INKA2: variants seen among roughly 807,000 people sequenced by gnomAD.
The protein encoded by INKA2 is PAK4-inhibitor INKA2.
A neutral mutation model predicts 9.8 loss-of-function variants in INKA2; 3 were observed. That is an observed-to-expected ratio of 0.31 (90% CI 0.14 to 0.79). INKA2 has a LOEUF of 0.79. Ranked by LOEUF, INKA2 falls within the 30% of genes least tolerant of loss-of-function variation. INKA2 has a pLI of 0.62. For synonymous variants in INKA2, 147 were observed against 143.3 expected, an observed-to-expected ratio of 1.03 and a Z score of -0.18; for missense variants, 392 against 384.4, an observed-to-expected ratio of 1.02 and a Z score of -0.17.
chr1:111,753,769 C>T (rs1339013055), intron 1 of INKA2: 1 of 152,190 alleles, frequency 6.6e-6, no homozygotes, highest in Non-Finnish European at 1.5e-5. Flanking sequence ...GACAAAATTA[C>T]TGTCCTTGAG....
At chr1:111,748,080 T>G (rs777731297) in intron 1 of INKA2, among the ~76,000 whole-genome samples, 1 of 152,206 alleles carries the variant, frequency 6.6e-6, no homozygotes, top group Non-Finnish European at 1.5e-5. Flanking sequence ...GAGAGTAATA[T>G]GAAGATGTTA....
chr1:111,729,115 G>A (rs1241762965), intron 1 of INKA2, among the ~76,000 whole-genome samples: 3 of 152,162 alleles, frequency 2.0e-5, no homozygotes, highest in Admixed American at 1.3e-4. Flanking sequence ...CTACAGGACA[G>A]TGAAGAAGGG....
chr1:111,742,178 G>C (rs1370345948), upstream of INKA2, among the ~76,000 whole-genome samples: 1 of 152,210 alleles, frequency 6.6e-6, no homozygotes, highest in South Asian at 2.1e-4. Context: ...TGGGTCTTCT[G>C]TGCTGCTGAC....
Position 111,723,271 on chromosome 1 carries a change from G to A in INKA2, c.*3697C>T, listed in dbSNP as rs980573104. ...AAGGCCCTAGGGAGGAGATGGGGATGTGGAGAGGACAGAGCAACCTTCTTT... is the reference window on the plus strand; with the variant it reads ...AAGGCCCTAGGGAGGAGATGGGGATATGGAGAGGACAGAGCAACCTTCTTT... On this transcript the variant is annotated 3_prime_UTR_variant, in exon 2 of 2. Transcript: ENST00000357260. 7 of 576,842 alleles carry A rather than the reference G, an allele frequency of 1.2e-5. No individual in the cohort carries two copies. Among genetic ancestry groups the A allele is most frequent in the Non-Finnish European group, 2.1e-5 (7 of 325,782 alleles). 35.7% of individuals were successfully genotyped at this position (576,842 alleles called of 1,614,324 possible).
At chr1:111,750,402 A>G (rs527819774) in intron 1 of INKA2, among the ~76,000 whole-genome samples, 1 of 152,320 alleles carries the variant, frequency 6.6e-6, no homozygotes, top group Admixed American at 6.5e-5. Context: ...GAAATAATAC[A>G]TTCTATCTAG....
chr1:111,753,401 T>C (rs1663450544), intron 1 of INKA2: 1 of 152,208 alleles, frequency 6.6e-6, no homozygotes, highest in Admixed American at 6.5e-5. Flanking sequence ...GAGATCTTTA[T>C]AGCACTAAAA....
At chr1:111,741,734 T>C (rs1416065522), upstream of INKA2, among the ~76,000 whole-genome samples, 3 of 152,234 alleles carry the variant, frequency 2.0e-5, no homozygotes, top group African/African-American at 7.2e-5. Flanking sequence ...GTTTTGTTTT[T>C]GTTTTTTGAG....
chr1:111,755,171 T>TGGAGGCGGATGCGGAGGCGGATGCAG (rs963267748), intron 1 of INKA2: 2 of 156,708 alleles, frequency 1.3e-5, no homozygotes, highest in South Asian at 1.7e-4. Context: ...GGCGGATGCA[T>TGGAGGCGGATGCGGAGGCGGATGCAG]GGAGGCGGAT....
chr1:111,737,507 T>C (rs900657706), intron 1 of INKA2, among the ~76,000 whole-genome samples: 4 of 152,210 alleles, frequency 2.6e-5, no homozygotes, highest in Non-Finnish European at 4.4e-5. Context: ...TTCCATTAGA[T>C]TCTTTTCTCT....
intron 1 of INKA2, chr1:111,755,621 C>CA: frequency 6.3e-7 from 1 of 1,590,052 alleles, no homozygotes; most frequent in South Asian, 1.1e-5. Flanking sequence ...GCGGCTCCGC[C>CA]CAGAAGAGGG....
Position 111,739,365 on chromosome 1 carries a change from A to G in INKA2, c.-123T>C. ...CCGTAGCGCTCGCAGCGCGGAGCTG[A>G]GCCTGCGCTCCGAGCCCGGGACTCA... On this transcript the variant is annotated 5_prime_UTR_variant, in exon 1 of 2. Transcript: ENST00000357260. 1 of 1,534,970 alleles carries G rather than the reference A, an allele frequency of 6.5e-7. No homozygotes were observed. Among genetic ancestry groups the G allele is most frequent in the African/African-American group, 1.4e-5 (1 of 71,696 alleles).
At chr1:111,748,527 C>G (rs1663323096) in intron 1 of INKA2, among the ~76,000 whole-genome samples, 1 of 152,240 alleles carries the variant, frequency 6.6e-6, no homozygotes, top group African/African-American at 2.4e-5. Flanking sequence ...TCAGTTTCTA[C>G]AGTCTGTGCT....
At chr1:111,737,114 G>A (rs1362982875) in intron 1 of INKA2, among the ~76,000 whole-genome samples, 1 of 152,182 alleles carries the variant, frequency 6.6e-6, no homozygotes, top group African/African-American at 2.4e-5. Context: ...TCCAGGCCAG[G>A]CATTCGGCTT....
upstream of INKA2, among the ~76,000 whole-genome samples, chr1:111,741,929 T>C (rs1663159184): frequency 6.6e-6 from 1 of 152,124 alleles, no homozygotes; most frequent in African/African-American, 2.4e-5. Context: ...TTGGCCAGGC[T>C]GGTCTCAAAC....
chr1:111,749,255 G>A (rs143759790), intron 1 of INKA2, among the ~76,000 whole-genome samples: 70 of 152,240 alleles, frequency 4.6e-4, no homozygotes, highest in Non-Finnish European at 7.2e-4. Flanking sequence ...TGGGGTCTCC[G>A]GAGCTGGGAG....
At position 111,726,947 on chromosome 1, in the gene INKA2, T is replaced by C. The variant is rs766744826; in HGVS notation, c.*21A>G. On this transcript the variant is annotated 3_prime_UTR_variant, in exon 2 of 2. Transcript: ENST00000357260. ...TGGGACCTGGCCCTTTCAGGCTCAG[T>C]CAACTTTCTGTCTCTAGGATTCAGA... The C allele has an allele frequency of 3.6e-5, 57 of 1,602,596 alleles. No homozygotes were observed. Among genetic ancestry groups the C allele is most frequent in the Non-Finnish European group, 4.6e-5 (54 of 1,173,002 alleles).
Position 111,727,372 on chromosome 1 carries a change from C to G in INKA2, c.490G>C (p.Asp164His). The G allele has an allele frequency of 1.2e-6, 2 of 1,614,000 alleles. No individual in the cohort carries two copies. Among genetic ancestry groups the G allele is most frequent in the Non-Finnish European group, 8.5e-7 (1 of 1,179,950 alleles). ...PLVLGDNVFA[D>H]LVGNWLDLPE... Reference sequence around the variant, plus strand: ...AAGTCTAGCCAATTGCCCACCAGGTCTGCAAAAACGTTGTCCCCTAACACC... The same window carrying G: ...AAGTCTAGCCAATTGCCCACCAGGTGTGCAAAAACGTTGTCCCCTAACACC... The change falls in exon 2 of 2, where the codon GAC becomes CAC. Residue 164 changes from aspartate (D) to histidine (H), a missense_variant. Transcript: ENST00000357260.
chr1:111,741,733 T>G (rs780392813), upstream of INKA2, among the ~76,000 whole-genome samples: 2 of 152,232 alleles, frequency 1.3e-5, no homozygotes, highest in Non-Finnish European at 2.9e-5. Context: ...TGTTTTGTTT[T>G]TGTTTTTTGA....
Position 111,724,565 on chromosome 1 carries a change from GCACACACACACACACACACACA to G in INKA2, c.*2381_*2402del, listed in dbSNP as rs71714685. On this transcript the variant is annotated 3_prime_UTR_variant, in exon 2 of 2. Transcript: ENST00000357260. ...ACATGCAGTTTCTTAGCACGCGCAGGCACACACACACACACACACACACACACACACACACCACCACTACCAC... is the reference window on the plus strand; with the variant it reads ...ACATGCAGTTTCTTAGCACGCGCAGGCACACACACACACCACCACTACCAC... 2.8e-5 allele frequency: 4 copies of G among 144,426 alleles called. No homozygotes were observed. The highest frequency in any genetic ancestry group is 2.0e-4 in the East Asian group (1 of 4,882). 8.9% of individuals were successfully genotyped at this position (144,426 alleles called of 1,614,324 possible). A position where few individuals can be genotyped will look rare whatever the true frequency, so the allele number is the denominator to read the frequency against.
Sources: allele counts gnomAD v4.1 joint callset (sites outside exome capture counted in the v4.1 genomes callset), GRCh38; gene constraint gnomAD v4.1.1; transcripts MANE v1.5; gene names NCBI Gene and HGNC (gene_info 2026-07-23, HGNC 2026-07-21).